The following PRKX variants were observed in gnomAD, a reference collection of about 807,000 sequenced individuals.
The protein encoded by PRKX is protein kinase cAMP-dependent X-linked catalytic subunit, also known as cAMP-dependent protein kinase catalytic subunit PRKX.
In PRKX, 12 loss-of-function variants were observed where a neutral mutation model predicts 22.0. The ratio of observed to expected loss-of-function variants is 0.54; its 90% CI spans 0.35 to 0.88. PRKX has a LOEUF of 0.88. PRKX is among the 40% of genes least tolerant of loss of function. The pLI is 0.01. For synonymous variants in PRKX, 134 were observed against 137.7 expected, an observed-to-expected ratio of 0.97 and a Z score of 0.19; for missense variants, 217 against 308.0, an observed-to-expected ratio of 0.70 and a Z score of 2.21.
In PRKX at chrX:3,609,990, G is replaced by A. The variant is rs776387484; in HGVS notation, c.*24-1045C>T. Reference sequence around the variant, plus strand: ...CAGGGTGATTCAAACAAAGATGAACGGCTACAGCATAGTTTCTAAGCTGCC... The same window carrying A: ...CAGGGTGATTCAAACAAAGATGAACAGCTACAGCATAGTTTCTAAGCTGCC... On this transcript the variant is annotated intron_variant, in intron 8 of 8. Transcript: ENST00000262848. Among the ~76,000 whole-genome samples, 80 of 111,673 alleles carry A rather than the reference G, an allele frequency of 7.2e-4. 1 individual carries two copies. The highest frequency in any genetic ancestry group is 1.3e-3 in the Non-Finnish European group (71 of 53,151).
chrX:3,700,864 T>G (rs998725288), intron 1 of PRKX, among the ~76,000 whole-genome samples: 3 of 111,209 alleles, frequency 2.7e-5, no homozygotes, highest in African/African-American at 9.8e-5. Flanking sequence ...CCTCCCAAAG[T>G]GTTGGGGGAT....
intron 1 of PRKX, among the ~76,000 whole-genome samples, chrX:3,690,591 G>T (rs989066069): frequency 3.6e-5 from 4 of 111,475 alleles, no homozygotes. Flanking sequence ...AAACAGCCAG[G>T]CATGGTGGCA....
intron 1 of PRKX, among the ~76,000 whole-genome samples, chrX:3,691,970 G>A (rs1420718965): frequency 1.8e-5 from 2 of 109,381 alleles, no homozygotes; most frequent in Non-Finnish European, 3.8e-5. Context: ...ATGGATGGAT[G>A]GGTAGGTGGG....
intron 4 of PRKX, among the ~76,000 whole-genome samples, chrX:3,637,703 A>G (rs1161738238): frequency 8.9e-6 from 1 of 112,167 alleles, no homozygotes. Context: ...TGCACAGGTC[A>G]GCAGACTGGG....
chrX:3,635,672 C>T (rs747500472), intron 4 of PRKX, among the ~76,000 whole-genome samples: 4 of 111,637 alleles, frequency 3.6e-5, no homozygotes, highest in South Asian at 3.8e-4. Context: ...ACTGCAGCCT[C>T]GACTTCCTGG....
chrX:3,692,539 T>A (rs942585013), intron 1 of PRKX, among the ~76,000 whole-genome samples: 5 of 107,042 alleles, frequency 4.7e-5, no homozygotes, highest in African/African-American at 1.7e-4. Flanking sequence ...TTTTTTTTTT[T>A]TTTTTTGAGA....
intron 1 of PRKX, among the ~76,000 whole-genome samples, chrX:3,683,253 T>C (rs894269750): frequency 4.5e-5 from 5 of 111,744 alleles, no homozygotes; most frequent in Non-Finnish European, 9.4e-5. Context: ...TTTAGCCAAG[T>C]ACATTCCCTA....
At chrX:3,661,244 A>G (rs988588199) in intron 2 of PRKX, among the ~76,000 whole-genome samples, 2 of 111,567 alleles carry the variant, frequency 1.8e-5, no homozygotes, top group East Asian at 2.8e-4. Context: ...CCCCAAACCA[A>G]TAAGATTAAG....
At chrX:3,612,401 T>C in intron 7 of PRKX, 76 bp from the exon 8 acceptor site, 1 of 1,023,354 alleles carries the variant, frequency 9.8e-7, no homozygotes, top group Non-Finnish European at 1.3e-6. Flanking sequence ...CACCGCTTTA[T>C]TTCTGTCACT....
At chrX:3,665,866 C>T (rs1439392501) in intron 2 of PRKX, among the ~76,000 whole-genome samples, 2 of 104,017 alleles carry the variant, frequency 1.9e-5, no homozygotes, top group African/African-American at 7.0e-5. Context: ...GGCAATAAGG[C>T]GTGTTTCATG....
In PRKX at chrX:3,646,186, G is replaced by A. The variant is rs772342577; in HGVS notation, c.600-4215C>T. On this transcript the variant is annotated intron_variant, in intron 3 of 8. Transcript: ENST00000262848. ...AGGCACCTGTAATCCCAGCTACTCC[G>A]GAGGCTGAGGCAGGAGAATCACTTG... is the stretch of plus-strand genomic sequence containing the variant. Among the ~76,000 whole-genome samples the A allele has an allele frequency of 5.4e-5, 6 of 110,723 alleles. No homozygotes were observed. The East Asian group carries it at 1.1e-3, about 21-fold the overall frequency.
intron 1 of PRKX, among the ~76,000 whole-genome samples, chrX:3,694,889 G>A (rs1306848501): frequency 9.0e-6 from 1 of 111,715 alleles, no homozygotes; most frequent in East Asian, 2.8e-4. Context: ...GGAGCCGGGA[G>A]AGGCAGGAAG....
intron 1 of PRKX, among the ~76,000 whole-genome samples, chrX:3,709,138 C>T (rs1206737005): frequency 1.0e-5 from 1 of 98,307 alleles, no homozygotes; most frequent in Non-Finnish European, 2.0e-5. Flanking sequence ...GAGCCGAGAT[C>T]GCACCACTGC....
At chrX:3,619,603 A>G (rs1359537186) in intron 6 of PRKX, among the ~76,000 whole-genome samples, 3 of 98,012 alleles carry the variant, frequency 3.1e-5, no homozygotes, top group Middle Eastern at 0.014. Context: ...GACTGGAGTG[A>G]TGCGGCCATA....
chrX:3,629,248 T>G (rs1926719586), intron 4 of PRKX, among the ~76,000 whole-genome samples: 1 of 78,588 alleles, frequency 1.3e-5, no homozygotes, highest in African/African-American at 4.6e-5. Flanking sequence ...GTGAACTACT[T>G]TTTTTTTTTG....
At chrX:3,663,748 A>G (rs1374008943) in intron 2 of PRKX, among the ~76,000 whole-genome samples, 1 of 110,747 alleles carries the variant, frequency 9.0e-6, no homozygotes, top group Non-Finnish European at 1.9e-5. Flanking sequence ...TGGAAGGACC[A>G]CCTATGAAAT....
intron 1 of PRKX, among the ~76,000 whole-genome samples, chrX:3,683,732 G>T: frequency 9.0e-6 from 1 of 111,530 alleles, no homozygotes; most frequent in Non-Finnish European, 1.9e-5. Flanking sequence ...CCAACTACTT[G>T]GGAGGCTGAG....
At chrX:3,644,477 AGAGAAATTGAGTTCTCCTCCCAT>A (rs1208564711) in intron 3 of PRKX, among the ~76,000 whole-genome samples, 53 of 108,379 alleles carry the variant, frequency 4.9e-4, no homozygotes, top group Non-Finnish European at 8.0e-4. Context: ...GAAGACAAGG[AGAGAAATTGAGTTCTCCTCCCAT>A]GGAAGCATGT....
At chrX:3,653,795 TATA>T (rs1361875566) in intron 3 of PRKX, among the ~76,000 whole-genome samples, 1 of 69,745 alleles carries the variant, frequency 1.4e-5, no homozygotes, top group Admixed American at 2.5e-4. Flanking sequence ...ATGTGATATA[TATA>T]ATATATATTA....
Sources: allele counts gnomAD v4.1 joint callset (sites outside exome capture counted in the v4.1 genomes callset), GRCh38; gene constraint gnomAD v4.1.1; transcripts MANE v1.5; gene names NCBI Gene and HGNC (gene_info 2026-07-23, HGNC 2026-07-21).